The following NCK1 variants were observed in gnomAD, a reference collection of about 807,000 sequenced individuals.
NCK1 encodes SH2/SH3 adapter protein NCK1.
NCK1 carries 19 observed loss-of-function variants against 36.6 expected under a neutral mutation model. The ratio of observed to expected loss-of-function variants is 0.52; its 90% CI spans 0.36 to 0.76. NCK1 has a LOEUF of 0.76. NCK1 is among the 30% of genes least tolerant of loss of function. The pLI is 0.00. For synonymous variants in NCK1, 165 were observed against 156.0 expected, an observed-to-expected ratio of 1.06 and a Z score of -0.43; for missense variants, 358 against 445.6, an observed-to-expected ratio of 0.80 and a Z score of 1.77.
At chr3:136,927,584 C>T (rs886878235) in intron 1 of NCK1, among the ~76,000 whole-genome samples, 17 of 152,074 alleles carry the variant, frequency 1.1e-4, no homozygotes, top group African/African-American at 3.9e-4. Flanking sequence ...TGCAGTGGTG[C>T]GATATCGGCT....
chr3:136,921,024 C>A (rs2108121851), intron 1 of NCK1, among the ~76,000 whole-genome samples: 1 of 152,264 alleles, frequency 6.6e-6, no homozygotes, highest in African/African-American at 2.4e-5. Context: ...GATATAGTGT[C>A]TTTAAAGAGG....
In NCK1 at chr3:136,949,692, A is replaced by C. The variant is rs1050460978; in HGVS notation, c.*1239A>C. 1 of 152,024 alleles carries C rather than the reference A, an allele frequency of 6.6e-6. No individual in the cohort carries two copies. The highest frequency in any genetic ancestry group is 1.5e-5 in the Non-Finnish European group (1 of 67,896). 9.4% of individuals were successfully genotyped at this position (152,024 alleles called of 1,614,324 possible). ...ATTTTAATTGAAAAATACTAAAGCC[A>C]CATAACTGAGTAGGATGTCGTATGA... On this transcript the variant is annotated 3_prime_UTR_variant, in exon 4 of 4. Coordinates refer to ENST00000481752, the MANE Select transcript of NCK1 (RefSeq NM_001291999.2).
At chr3:136,862,679 G>T in intron 1 of NCK1, among the ~76,000 whole-genome samples, 1 of 151,960 alleles carries the variant, frequency 6.6e-6, no homozygotes, top group East Asian at 1.9e-4. Context: ...AGTGTGCGGC[G>T]CGCTGGTTGA....
At chr3:136,934,529 A>G (rs1940477341) in intron 2 of NCK1, among the ~76,000 whole-genome samples, 1 of 151,892 alleles carries the variant, frequency 6.6e-6, no homozygotes, top group Admixed American at 6.6e-5. Context: ...CATGTGATCC[A>G]TCCGCCTCAG....
At chr3:136,892,049 G>T (rs761955307) in intron 1 of NCK1, among the ~76,000 whole-genome samples, 3 of 151,832 alleles carry the variant, frequency 2.0e-5, no homozygotes, top group Non-Finnish European at 4.4e-5. Flanking sequence ...CCACTGCTTG[G>T]CTCATTTATT....
At chr3:136,892,324 C>G (rs575842125) in intron 1 of NCK1, among the ~76,000 whole-genome samples, 2 of 152,250 alleles carry the variant, frequency 1.3e-5, no homozygotes, top group African/African-American at 4.8e-5. Context: ...AATTTAGTGT[C>G]CTTTCATATA....
At chr3:136,936,340 T>C (rs1192834878) in intron 2 of NCK1, among the ~76,000 whole-genome samples, 1 of 152,170 alleles carries the variant, frequency 6.6e-6, no homozygotes, top group Non-Finnish European at 1.5e-5. Flanking sequence ...TGTGCCCGGC[T>C]GGCTGAATAA....
chr3:136,926,214 TACTC>T (rs1203453580), intron 1 of NCK1, among the ~76,000 whole-genome samples: 4 of 149,900 alleles, frequency 2.7e-5, no homozygotes, highest in African/African-American at 7.4e-5. Flanking sequence ...TTAAGATAGA[TACTC>T]AGTTCATTAA....
rs563833590 is a variant in NCK1 at position 136,912,875 on chromosome 3, C to T, written c.-18-15109C>T. Among the ~76,000 whole-genome samples the T allele has an allele frequency of 3.2e-3, 435 of 137,910 alleles. 2 individuals are homozygous for T. Among genetic ancestry groups the T allele is most frequent in the African/African-American group, 0.011 (416 of 37,676 alleles). The allele number at this position is 137,910 out of a possible 152,430, so 90.5% of individuals were successfully genotyped here. A position where few individuals can be genotyped will look rare whatever the true frequency, so the allele number is the denominator to read the frequency against. On this transcript the variant is annotated intron_variant, in intron 1 of 3. Transcript: ENST00000481752. ...TGCTGTTTCCCAAACTGGTCTTGGTCTTGATATCCTGGACTCAAGTGATCC... is the reference window on the plus strand; with the variant it reads ...TGCTGTTTCCCAAACTGGTCTTGGTTTTGATATCCTGGACTCAAGTGATCC...
chr3:136,900,640 C>T (rs1023319503), intron 1 of NCK1, among the ~76,000 whole-genome samples: 4 of 151,760 alleles, frequency 2.6e-5, no homozygotes, highest in Non-Finnish European at 5.9e-5. Context: ...AAAGGGAATG[C>T]CTTCTTGATT....
chr3:136,904,834 A>T (rs371182102), intron 1 of NCK1, among the ~76,000 whole-genome samples: 73 of 142,710 alleles, frequency 5.1e-4, no homozygotes, highest in Middle Eastern at 3.7e-3. Flanking sequence ...GGCTTTTCTC[A>T]TTTTTTTTTT....
intron 1 of NCK1, among the ~76,000 whole-genome samples, chr3:136,927,229 C>T (rs1317890275): frequency 6.6e-6 from 1 of 152,178 alleles, no homozygotes; most frequent in Non-Finnish European, 1.5e-5. Flanking sequence ...GCCTCGGCCT[C>T]CCGAAGTGCT....
At chr3:136,928,434 C>A in intron 2 of NCK1, 1 of 560,794 alleles carries the variant, frequency 1.8e-6, no homozygotes, top group Non-Finnish European at 3.1e-6. Flanking sequence ...GGCCCATGCT[C>A]CAAGTCAAGG....
chr3:136,873,259 G>A (rs1938678165), intron 1 of NCK1, among the ~76,000 whole-genome samples: 1 of 152,240 alleles, frequency 6.6e-6, no homozygotes, highest in Admixed American at 6.5e-5. Flanking sequence ...TGACCTGGAT[G>A]TGAGACATGG....
intron 1 of NCK1, among the ~76,000 whole-genome samples, chr3:136,918,004 TCC>T (rs1320665982): frequency 6.6e-6 from 1 of 152,202 alleles, no homozygotes; most frequent in Non-Finnish European, 1.5e-5. Context: ...ACCTGGCCTG[TCC>T]CCAGGATCAT....
chr3:136,932,251 A>C (rs544991506), intron 2 of NCK1, among the ~76,000 whole-genome samples: 1 of 152,232 alleles, frequency 6.6e-6, no homozygotes, highest in South Asian at 2.1e-4. Context: ...GCAGACTGGG[A>C]GTCAGGATTT....
chr3:136,919,383 A>T (rs1031458555), intron 1 of NCK1, among the ~76,000 whole-genome samples: 5 of 152,214 alleles, frequency 3.3e-5, no homozygotes, highest in African/African-American at 7.2e-5. Flanking sequence ...CCCTATTTTT[A>T]TCCATCTATT....
chr3:136,905,599 G>A (rs1049109025), intron 1 of NCK1, among the ~76,000 whole-genome samples: 7 of 151,908 alleles, frequency 4.6e-5, no homozygotes, highest in African/African-American at 1.4e-4. Context: ...ATCAGTATTT[G>A]AGTTATTTTT....
rs897854254 is a variant in NCK1 at position 136,912,484 on chromosome 3, T to C, written c.-18-15500T>C. On this transcript the variant is annotated intron_variant, in intron 1 of 3. Transcript: ENST00000481752. ...GTGTCTGTTTGCCTCTTTTGACTTT[T>C]CTTCAGTCTTTTTTTTTTTTTTATG... 3.3e-5 allele frequency among the ~76,000 whole-genome samples: 4 copies of C among 122,442 alleles called. No individual in the cohort carries two copies. In the South Asian group the frequency reaches 9.0e-4, roughly 28 times the overall value. 80.3% of individuals were successfully genotyped at this position (122,442 alleles called of 152,430 possible).
Sources: gnomAD v4.1 joint callset for allele counts (sites outside exome capture counted in the v4.1 genomes callset) on GRCh38, gnomAD v4.1.1 for gene constraint, MANE v1.5 for transcripts, NCBI Gene and HGNC (gene_info 2026-07-23, HGNC 2026-07-21) for gene names.